LRFN2: variants seen among roughly 807,000 people sequenced by gnomAD.
LRFN2 encodes leucine-rich repeat and fibronectin type-III domain-containing protein 2.
LRFN2 carries 18 observed loss-of-function variants against 37.3 expected under a neutral mutation model. The observed-to-expected ratio is 0.48, with a 90% CI of 0.33 to 0.72. The LOEUF is 0.72. Among genes scored for constraint, LRFN2 ranks in the 30% least tolerant of loss-of-function variants. The pLI is 0.02. For missense variants in LRFN2, 1,006 were observed against 1,060.7 expected, an observed-to-expected ratio of 0.95 and a Z score of 0.72; for synonymous variants, 556 against 466.6, an observed-to-expected ratio of 1.19 and a Z score of -2.47.
At chr6:40,514,553 GATCT>G (rs1765805196) in intron 1 of LRFN2, among the ~76,000 whole-genome samples, 1 of 152,098 alleles carries the variant, frequency 6.6e-6, no homozygotes, top group Non-Finnish European at 1.5e-5. Context: ...GACCTCAGGT[GATCT>G]GCCCGCCTTG....
intron 1 of LRFN2, among the ~76,000 whole-genome samples, chr6:40,489,861 G>A (rs953139696): frequency 3.9e-5 from 6 of 152,048 alleles, no homozygotes; most frequent in African/African-American, 7.2e-5. Flanking sequence ...TGACTTACCC[G>A]CTGCTGCACT....
At chr6:40,452,731 A>G (rs1194162446) in intron 1 of LRFN2, among the ~76,000 whole-genome samples, 1 of 152,204 alleles carries the variant, frequency 6.6e-6, no homozygotes, top group Admixed American at 6.5e-5. Context: ...TTTGAAGCCA[A>G]CCGTATGAAC....
intron 1 of LRFN2, among the ~76,000 whole-genome samples, chr6:40,541,526 C>T (rs558696771): frequency 1.3e-5 from 2 of 152,126 alleles, no homozygotes; most frequent in African/African-American, 2.4e-5. Flanking sequence ...CAGGACGGGG[C>T]GGGGGTAGAG....
chr6:40,426,465 A>G (rs1763355581), intron 2 of LRFN2, among the ~76,000 whole-genome samples: 1 of 152,204 alleles, frequency 6.6e-6, no homozygotes, highest in Non-Finnish European at 1.5e-5. Flanking sequence ...AGGACTTACC[A>G]AGGGCTGAGG....
At chr6:40,504,753 C>T (rs9357333) in intron 1 of LRFN2, among the ~76,000 whole-genome samples, 60,226 of 151,812 alleles carry the variant, frequency 0.4, 12,364 homozygotes, top group East Asian at 0.53. Context: ...CACTCTCCAG[C>T]CCTTTTCAAT....
intron 1 of LRFN2, among the ~76,000 whole-genome samples, chr6:40,576,516 G>A (rs1767280739): frequency 6.6e-6 from 1 of 152,232 alleles, no homozygotes; most frequent in Admixed American, 6.5e-5. Context: ...CATGCCTCAA[G>A]CTGGGCCAGC....
intron 1 of LRFN2, among the ~76,000 whole-genome samples, chr6:40,487,586 G>T (rs759703948): frequency 2.0e-5 from 3 of 152,258 alleles, no homozygotes; most frequent in Non-Finnish European, 4.4e-5. Flanking sequence ...TGTGAAAGGT[G>T]CATGGCCTCT....
chr6:40,500,324 C>T (rs545104062), intron 1 of LRFN2, among the ~76,000 whole-genome samples: 2 of 152,212 alleles, frequency 1.3e-5, no homozygotes, highest in African/African-American at 4.8e-5. Context: ...CCACAGGGGA[C>T]GTGGAGGGTG....
chr6:40,449,024 G>C (rs558182463), intron 1 of LRFN2, among the ~76,000 whole-genome samples: 2 of 152,270 alleles, frequency 1.3e-5, no homozygotes, highest in South Asian at 4.2e-4. Context: ...TTCCTCTGTG[G>C]GGTGACTATC....
intron 1 of LRFN2, among the ~76,000 whole-genome samples, chr6:40,572,201 T>C (rs1256481049): frequency 2.0e-5 from 3 of 152,208 alleles, no homozygotes; most frequent in Non-Finnish European, 4.4e-5. Context: ...GTAGAGATGA[T>C]AGTTAAAATA....
intron 1 of LRFN2, among the ~76,000 whole-genome samples, chr6:40,568,879 G>A (rs1767137884): frequency 1.3e-5 from 2 of 152,136 alleles, no homozygotes; most frequent in Admixed American, 1.3e-4. Context: ...GTGCCACCAT[G>A]CCCGGCTAAT....
At chr6:40,473,653 GT>G (rs1386702155) in intron 1 of LRFN2, among the ~76,000 whole-genome samples, 2 of 152,140 alleles carry the variant, frequency 1.3e-5, no homozygotes, top group African/African-American at 4.8e-5. Flanking sequence ...TGCCATGGTG[GT>G]TTGCTGCATC....
chr6:40,443,997 G>A (rs1243340098), intron 1 of LRFN2, among the ~76,000 whole-genome samples: 2 of 152,140 alleles, frequency 1.3e-5, no homozygotes, highest in Non-Finnish European at 2.9e-5. Context: ...AAGGGAATTA[G>A]CCTGTCTCTT....
chr6:40,402,345 C>T (rs1865253), intron 2 of LRFN2, among the ~76,000 whole-genome samples: 1,750 of 152,266 alleles, frequency 0.011, 55 homozygotes, highest in Admixed American at 0.063. Flanking sequence ...TGCCAGGCCA[C>T]GGAGCATGAT....
chr6:40,551,956 GA>G (rs923845142), intron 1 of LRFN2, among the ~76,000 whole-genome samples: 1 of 149,952 alleles, frequency 6.7e-6, no homozygotes, highest in African/African-American at 2.5e-5. Context: ...GAAGCCCAAA[GA>G]AAAAAAAAGA....
At chr6:40,469,979 G>A (rs575655036) in intron 1 of LRFN2, among the ~76,000 whole-genome samples, 13 of 152,228 alleles carry the variant, frequency 8.5e-5, no homozygotes, top group Non-Finnish European at 1.8e-4. Flanking sequence ...CCACTTAGGA[G>A]CAGAGGGACA....
At chr6:40,573,407 G>A (rs886407265) in intron 1 of LRFN2, among the ~76,000 whole-genome samples, 7 of 152,174 alleles carry the variant, frequency 4.6e-5, no homozygotes, top group Admixed American at 2.6e-4. Context: ...TGCATTACTC[G>A]ACCTCTGTGT....
At chr6:40,462,617 G>T (rs1331250371) in intron 1 of LRFN2, among the ~76,000 whole-genome samples, 1 of 152,172 alleles carries the variant, frequency 6.6e-6, no homozygotes, top group African/African-American at 2.4e-5. Flanking sequence ...GGGCCACGAT[G>T]AATACAACCA....
intron 2 of LRFN2, among the ~76,000 whole-genome samples, chr6:40,413,240 A>G (rs1048047043): frequency 2.0e-5 from 3 of 152,108 alleles, no homozygotes; most frequent in African/African-American, 7.2e-5. Flanking sequence ...CTTATTCTCC[A>G]CTTTGCTTAA....
Sources: gnomAD v4.1 joint callset for allele counts (sites outside exome capture counted in the v4.1 genomes callset) on GRCh38, gnomAD v4.1.1 for gene constraint, MANE v1.5 for transcripts, NCBI Gene and HGNC (gene_info 2026-07-23, HGNC 2026-07-21) for gene names.